DAAM2: variants seen among roughly 807,000 people sequenced by gnomAD.
DAAM2 encodes dishevelled associated activator of morphogenesis 2.
DAAM2 carries 39 observed loss-of-function variants against 120.7 expected under a neutral mutation model. The ratio of observed to expected loss-of-function variants is 0.32; its 90% CI spans 0.25 to 0.42. DAAM2 has a LOEUF of 0.42. Ranked by LOEUF, DAAM2 falls within the 10% of genes least tolerant of loss-of-function variation. The pLI is 1.00. For missense variants in DAAM2, 1,283 were observed against 1,401.7 expected (o/e 0.92, Z 1.35); for synonymous variants, 488 against 524.9 (o/e 0.93, Z 0.96).
Position 39,879,361 on chromosome 6 carries a change from A to G in DAAM2, c.1729A>G (p.Met577Val). ...TPPGAPPCLG[M>V]GLPLPQDPYP... ...CCCAGGTGCCCCACCTTGCCTCGGC[A>G]TGGGCCTGCCCCTCCCTCAGGACCC... Residue 577 changes from methionine (M) to valine (V), a missense_variant, in exon 14 of 25, where the codon ATG becomes GTG. By Grantham distance (21) the Met-to-Val change is conservative. Around this residue, in one of 3 missense-constraint regions of DAAM2, gnomAD observed 748 missense variants for 768.6 expected, o/e 0.97. Transcript: ENST00000274867. 1 of 1,432,380 alleles carries G rather than the reference A, an allele frequency of 7.0e-7. No individual in the cohort carries two copies. The highest frequency in any genetic ancestry group is 9.3e-7 in the Non-Finnish European group (1 of 1,075,838). 88.7% of individuals were successfully genotyped at this position (1,432,380 alleles called of 1,614,324 possible). A position where few individuals can be genotyped will look rare whatever the true frequency, so the allele number is the denominator to read the frequency against.
chr6:39,856,936 A>G (rs1764031605), intron 2 of DAAM2, among the ~76,000 whole-genome samples: 1 of 152,142 alleles, frequency 6.6e-6, no homozygotes, highest in Admixed American at 6.6e-5. Context: ...ATTGGCTAGG[A>G]ACCTGGAGGT....
chr6:39,879,367 C>G lies in DAAM2; in HGVS notation c.1735C>G (p.Leu579Val). Residue 579 changes from leucine to valine, a missense_variant, in exon 14 of 25, where the codon CTG becomes GTG. Coordinates refer to ENST00000274867, the MANE Select transcript of DAAM2 (RefSeq NM_001201427.2). Reference sequence around the variant, plus strand: ...TGCCCCACCTTGCCTCGGCATGGGCCTGCCCCTCCCTCAGGACCCCTACCC... The same window carrying G: ...TGCCCCACCTTGCCTCGGCATGGGCGTGCCCCTCCCTCAGGACCCCTACCC... Reference protein sequence around the residue: ...PGAPPCLGMGLPLPQDPYPSS... With the variant: ...PGAPPCLGMGVPLPQDPYPSS... 1 of 1,613,342 alleles carries G rather than the reference C, an allele frequency of 6.2e-7. No individual in the cohort carries two copies.
chr6:39,870,354 C>T lies in DAAM2; in HGVS notation c.888C>T (p.Phe296=). The part of the protein sequence containing the change: ...NAGAGEDNLE[F]RLHLRYEFLM... ...GTGACCCCCAGGATAATCTGGAGTT[C>T]CGCCTACATCTACGGTATGAATTCC... The change falls in exon 8 of 25, where the codon TTC becomes TTT. Residue 296 remains phenylalanine (F), a synonymous_variant. Coordinates refer to ENST00000274867, the MANE Select transcript of DAAM2 (RefSeq NM_001201427.2). The T allele has an allele frequency of 3.8e-6, 6 of 1,573,696 alleles. No individual in the cohort carries two copies. Among genetic ancestry groups the T allele is most frequent in the Non-Finnish European group, 5.2e-6 (6 of 1,157,634 alleles).
chr6:39,856,245 A>T lies in DAAM2; in HGVS notation c.-56-2A>T. ...CACCCTGTGTTCTCTCCTCTTGTCC[A>T]GATCACAATGAGGACCTAGGGCATC... On this transcript the variant is annotated splice_acceptor_variant, in intron 1 of 24. Coordinates refer to ENST00000274867, the MANE Select transcript of DAAM2 (RefSeq NM_001201427.2). LOFTEE classifies it low-confidence loss of function (5UTR_SPLICE). 4 of 1,391,970 alleles carry T rather than the reference A, an allele frequency of 2.9e-6. No individual in the cohort carries two copies. Among genetic ancestry groups the T allele is most frequent in the Non-Finnish European group, 3.7e-6 (4 of 1,069,880 alleles). The allele number at this position is 1,391,970 out of a possible 1,614,324, so 86.2% of individuals were successfully genotyped here. A position where few individuals can be genotyped will look rare whatever the true frequency, so the allele number is the denominator to read the frequency against.
At chr6:39,837,873 G>A (rs1763170781) in intron 1 of DAAM2, among the ~76,000 whole-genome samples, 1 of 152,112 alleles carries the variant, frequency 6.6e-6, no homozygotes, top group South Asian at 2.1e-4. Context: ...AAGCCAGCTA[G>A]TTAGTTGGTG....
At position 39,883,981 on chromosome 6, in the gene DAAM2, T is replaced by C; in HGVS notation, c.1865T>C (p.Val622Ala). 1 of 1,613,082 alleles carries C rather than the reference T, an allele frequency of 6.2e-7. No homozygotes were observed. Among genetic ancestry groups the C allele is most frequent in the African/African-American group, 1.3e-5 (1 of 75,018 alleles). ...KLNEERVPGT[V>A]WNEIDDMQVF... ...TTTTAGGAGCGTGTCCCTGGCACCGTATGGAATGAGATTGATGACATGCAG... is the reference window on the plus strand; with the variant it reads ...TTTTAGGAGCGTGTCCCTGGCACCGCATGGAATGAGATTGATGACATGCAG... Residue 622 changes from valine (V) to alanine (A), a missense_variant, in exon 15 of 25, where the codon GTA (valine) becomes GCA (alanine). By Grantham distance (64) the Val-to-Ala change is moderately conservative. Around this residue, in one of 3 missense-constraint regions of DAAM2, gnomAD observed 748 missense variants for 768.6 expected, o/e 0.97. Coordinates refer to ENST00000274867, the MANE Select transcript of DAAM2 (RefSeq NM_001201427.2).
Position 39,879,349 on chromosome 6 carries a change from C to T in DAAM2, c.1717C>T (p.Pro573Ser), listed in dbSNP as rs369086723. 34 of 1,611,216 alleles carry T rather than the reference C, an allele frequency of 2.1e-5. No individual in the cohort carries two copies. The highest frequency in any genetic ancestry group is 2.6e-5 in the Non-Finnish European group (31 of 1,178,264). The change falls in exon 14 of 25, where the codon CCT becomes TCT. Residue 573 changes from proline (P) to serine (S), a missense_variant. Physicochemically the swap from Pro to Ser is moderately conservative, Grantham distance 74 (BLOSUM62 -1). Transcript: ENST00000274867. ...ACCCCCGACTCCCCCAGGTGCCCCA[C>T]CTTGCCTCGGCATGGGCCTGCCCCT... Reference protein sequence around the residue: ...GGPPTPPGAPPCLGMGLPLPQ... With the variant: ...GGPPTPPGAPSCLGMGLPLPQ...
At chr6:39,802,814 A>G (rs1474937950) in intron 1 of DAAM2, among the ~76,000 whole-genome samples, 1 of 152,184 alleles carries the variant, frequency 6.6e-6, no homozygotes, top group Non-Finnish European at 1.5e-5. Context: ...AGCTCAATAT[A>G]TTTCCATAAA....
Position 39,867,719 on chromosome 6 carries a change from G to T in DAAM2, c.638G>T (p.Ser213Ile). ...GCCCAGAGCCTACGCACAGAGAACA[G>T]CAAGACCAAGGTGGCTGTGCTGGAG... is the stretch of plus-strand genomic sequence containing the variant. ...TIAQSLRTEN[S>I]KTKVAVLEIL... Residue 213 changes from serine to isoleucine, a missense_variant, in exon 6 of 25, where the codon AGC becomes ATC. By Grantham distance (142) the Ser-to-Ile change is moderately radical. Coordinates refer to ENST00000274867, the MANE Select transcript of DAAM2 (RefSeq NM_001201427.2). 6.2e-7 allele frequency: 1 copy of T among 1,614,056 alleles called. No individual in the cohort carries two copies.
At chr6:39,844,207 A>C (rs1303060764) in intron 1 of DAAM2, among the ~76,000 whole-genome samples, 28 of 152,208 alleles carry the variant, frequency 1.8e-4, no homozygotes, top group Admixed American at 1.8e-3. Flanking sequence ...AGCATGGAAT[A>C]GTTTGGAATA....
intron 1 of DAAM2, among the ~76,000 whole-genome samples, chr6:39,847,526 T>A (rs1429398285): frequency 6.6e-6 from 1 of 152,122 alleles, no homozygotes; most frequent in Non-Finnish European, 1.5e-5. Flanking sequence ...AGCAGAGACA[T>A]GGGCGCTAAA....
At chr6:39,870,207 G>C (rs1764600089) in intron 7 of DAAM2, 133 bp from the exon 8 acceptor site, 1 of 629,072 alleles carries the variant, frequency 1.6e-6, no homozygotes, top group Admixed American at 2.7e-5. Context: ...TCTGGGATTG[G>C]AAGCAGCTCC....
intron 1 of DAAM2, chr6:39,823,031 T>C (rs1762542238): frequency 6.6e-6 from 1 of 152,184 alleles, no homozygotes; most frequent in African/African-American, 2.4e-5. Flanking sequence ...CTGTAAAAAT[T>C]GGAGGCATTT....
At chr6:39,821,294 T>C (rs1403915509) in intron 1 of DAAM2, 2 of 152,328 alleles carry the variant, frequency 1.3e-5, no homozygotes, top group African/African-American at 2.4e-5. Flanking sequence ...GAGGGGGCAC[T>C]GCTTCAAATC....
intron 1 of DAAM2, among the ~76,000 whole-genome samples, chr6:39,805,914 G>A (rs569403491): frequency 2.0e-4 from 31 of 152,222 alleles, no homozygotes; most frequent in East Asian, 1.9e-3. Context: ...CTACCATTAC[G>A]CTGTTCTTAA....
At chr6:39,846,963 C>A (rs1763618733) in intron 1 of DAAM2, among the ~76,000 whole-genome samples, 1 of 152,196 alleles carries the variant, frequency 6.6e-6, no homozygotes, top group Non-Finnish European at 1.5e-5. Flanking sequence ...GGGGCCAGCT[C>A]AGCTCCCATC....
chr6:39,837,726 C>G (rs1763165067), intron 1 of DAAM2, among the ~76,000 whole-genome samples: 1 of 148,812 alleles, frequency 6.7e-6, no homozygotes, highest in South Asian at 2.1e-4. Context: ...TGACCTTTAT[C>G]AGGGGCTTCA....
intron 17 of DAAM2, 180 bp from the exon 18 acceptor site, chr6:39,891,161 C>A: frequency 1.9e-6 from 1 of 536,844 alleles, no homozygotes; most frequent in East Asian, 3.0e-5. Context: ...AAAAGAATTT[C>A]AGAGCTGTGT....
chr6:39,816,340 C>A (rs1384191223), intron 1 of DAAM2, among the ~76,000 whole-genome samples: 1 of 152,220 alleles, frequency 6.6e-6, no homozygotes, highest in Non-Finnish European at 1.5e-5. Context: ...AACCTTCACA[C>A]CCTCATAACT....
Sources: gnomAD v4.1 joint callset for allele counts (sites outside exome capture counted in the v4.1 genomes callset) on GRCh38, gnomAD v4.1.1 for gene constraint, gnomAD v4.1.1 regional missense constraint, MANE v1.5 for transcripts, NCBI Gene and HGNC (gene_info 2026-07-23, HGNC 2026-07-21) for gene names.